Variants in RBM42 observed in about 807,000 individuals in gnomAD.
RBM42 encodes the protein RNA binding motif protein 42.
In RBM42, 21 loss-of-function variants were observed where a neutral mutation model predicts 41.4. The ratio of observed to expected loss-of-function variants is 0.51; its 90% CI spans 0.36 to 0.73. RBM42 has a LOEUF of 0.73. RBM42 is among the 30% of genes least tolerant of loss of function. RBM42 has a pLI of 0.00. For synonymous variants in RBM42, 272 were observed against 271.2 expected, an observed-to-expected ratio of 1.00 and a Z score of -0.03; for missense variants, 539 against 680.4, an observed-to-expected ratio of 0.79 and a Z score of 2.31.
rs1967459882 is a variant in RBM42, at chr19:35,634,332, G to A, written c.1094G>A (p.Gly365Glu). Residue 365 changes from glycine (G) to glutamate (E), a missense_variant, in exon 8 of 10, where the codon GGG (glycine) becomes GAG (glutamate). Gly to Glu is a moderately conservative substitution (Grantham distance 98, BLOSUM62 -2). This residue lies in a region of RBM42 where 110 missense variants were observed against 191.5 expected (regional missense o/e 0.57). Coordinates refer to ENST00000262633, the MANE Select transcript of RBM42 (RefSeq NM_024321.5). Reference sequence around the variant, plus strand: ...AAACGGTGCATTCGCACAGCGGCAGGGAGCAGCTGGGAGGACCCCAGCCTG... The same window carrying A: ...AAACGGTGCATTCGCACAGCGGCAGAGAGCAGCTGGGAGGACCCCAGCCTG... ...KLKRCIRTAA[G>E]SSWEDPSLLE... The A allele has an allele frequency of 6.2e-7, 1 of 1,614,044 alleles. No homozygotes were observed. Among genetic ancestry groups the A allele is most frequent in the African/African-American group, 1.3e-5 (1 of 74,952 alleles).
At position 35,633,218 on chromosome 19, in the gene RBM42, C is replaced by T. The variant is rs1165104672; in HGVS notation, c.650C>T (p.Pro217Leu). The change falls in exon 6 of 10, where the codon CCG (proline) becomes CTG (leucine). Residue 217 changes from proline to leucine, a missense_variant. Coordinates refer to ENST00000262633, the MANE Select transcript of RBM42 (RefSeq NM_024321.5). ...LPPMARAPGP[P>L]LGSMAALRPP... ...CCAATGGCTCGGGCTCCAGGGCCCC[C>T]GCTGGGCTCCATGGCTGCACTGAGG... The T allele has an allele frequency of 3.1e-6, 5 of 1,606,844 alleles. No individual in the cohort carries two copies. In the South Asian group the frequency reaches 5.5e-5, roughly 18 times the overall value.
intron 4 of RBM42, chr19:35,631,791 T>A: frequency 9.1e-6 from 2 of 219,234 alleles, no homozygotes; most frequent in South Asian, 1.3e-4. Context: ...ATGAACGGAC[T>A]GTTGAGACAA....
chr19:35,635,334 A>G (rs982845475), intron 8 of RBM42, among the ~76,000 whole-genome samples: 1 of 150,858 alleles, frequency 6.6e-6, no homozygotes, highest in Non-Finnish European at 1.5e-5. Flanking sequence ...AAAAAAAAGA[A>G]AAGAGATACT....
Position 35,629,563 on chromosome 19 carries a change from A to G in RBM42, c.172A>G (p.Thr58Ala). 8 of 1,614,206 alleles carry G rather than the reference A, an allele frequency of 5.0e-6. No individual in the cohort carries two copies. The South Asian group carries it at 5.5e-5, about 11-fold the overall frequency. The change falls in exon 2 of 10, where the codon ACT (threonine) becomes GCT (alanine). Residue 58 changes from threonine to alanine, a missense_variant. Transcript: ENST00000262633. ...GGGGGCTCCAGTACCTGGAATCCCAACTGCTGTGCCTGCGGTGCCCACTGT... is the reference window on the plus strand; with the variant it reads ...GGGGGCTCCAGTACCTGGAATCCCAGCTGCTGTGCCTGCGGTGCCCACTGT... ...VLGAPVPGIP[T>A]AVPAVPTVPT...
chr19:35,633,060 C>T lies in RBM42; in HGVS notation c.509-17C>T. 1.2e-6 allele frequency: 2 copies of T among 1,611,122 alleles called. No homozygotes were observed. Among genetic ancestry groups the T allele is most frequent in the Non-Finnish European group, 1.7e-6 (2 of 1,177,534 alleles). On this transcript the variant is annotated splice_polypyrimidine_tract_variant and intron_variant, in intron 5 of 9. Transcript: ENST00000262633. The stretch of plus-strand genomic sequence containing the variant: ...ACTCCCCCCAGGCCCTGGAACTCCC[C>T]ACTAACACCCTGACAGATTCCGCTC...
At position 35,631,101 on chromosome 19, in the gene RBM42, G is replaced by C; in HGVS notation, c.283-39G>C. 1.9e-6 allele frequency: 3 copies of C among 1,574,224 alleles called. No individual in the cohort carries two copies. The South Asian group carries it at 3.3e-5, about 17-fold the overall frequency. ...TGAGCTGGCCGCAGCAGATGGGAAT[G>C]CTGAGTCAGGCCCCTCACCCTGACC... is the stretch of plus-strand genomic sequence containing the variant. On this transcript the variant is annotated intron_variant, in intron 2 of 9. Coordinates refer to ENST00000262633, the MANE Select transcript of RBM42 (RefSeq NM_024321.5).
At chr19:35,636,440 G>A (rs995576002) in intron 8 of RBM42, among the ~76,000 whole-genome samples, 4 of 152,194 alleles carry the variant, frequency 2.6e-5, no homozygotes, top group Non-Finnish European at 2.9e-5. Flanking sequence ...GATCACAGGC[G>A]TGAGCCACTG....
chr19:35,636,984 A>G (rs1967508970), intron 8 of RBM42, among the ~76,000 whole-genome samples, 174 bp from the exon 9 acceptor site: 2 of 151,512 alleles, frequency 1.3e-5, no homozygotes, highest in Admixed American at 6.6e-5. Context: ...AAATGGAAAC[A>G]CCCCTCCAGG....
rs750153748 is a variant in RBM42 at position 35,633,219 on chromosome 19, G to A, written c.651G>A (p.Pro217=). 8.1e-6 allele frequency: 13 copies of A among 1,606,562 alleles called. No individual in the cohort carries two copies. The highest frequency in any genetic ancestry group is 3.4e-5 in the Admixed American group (2 of 59,148). The change falls in exon 6 of 10, where the codon CCG becomes CCA. Residue 217 remains proline (P), a synonymous_variant. Transcript: ENST00000262633. ...CAATGGCTCGGGCTCCAGGGCCCCC[G>A]CTGGGCTCCATGGCTGCACTGAGGC... The part of the protein sequence containing the change: ...LPPMARAPGP[P]LGSMAALRPP...
At chr19:35,632,208 T>C (rs1967419357) in intron 4 of RBM42, among the ~76,000 whole-genome samples, 1 of 152,164 alleles carries the variant, frequency 6.6e-6, no homozygotes, top group Non-Finnish European at 1.5e-5. Context: ...TTTAGTATGG[T>C]TTTGATCAAA....
chr19:35,632,792 C>G (rs1967427564), intron 4 of RBM42, 144 bp from the exon 5 acceptor site: 2 of 618,108 alleles, frequency 3.2e-6, no homozygotes, highest in East Asian at 2.9e-5. Context: ...GGAGAGGCCC[C>G]CACATCTCCA....
At chr19:35,635,736 G>A (rs187744273) in intron 8 of RBM42, among the ~76,000 whole-genome samples, 1 of 152,044 alleles carries the variant, frequency 6.6e-6, no homozygotes, top group Non-Finnish European at 1.5e-5. Flanking sequence ...TGGCCAGGCT[G>A]GTCTCGAACT....
At chr19:35,630,133 G>A (rs1967380533) in intron 2 of RBM42, among the ~76,000 whole-genome samples, 1 of 152,018 alleles carries the variant, frequency 6.6e-6, no homozygotes, top group Admixed American at 6.6e-5. Context: ...GGCCAACATG[G>A]TGAAACCCCA....
In RBM42 at chr19:35,633,810, G is replaced by A. The variant is rs566993671; in HGVS notation, c.808G>A (p.Ala270Thr). The change falls in exon 7 of 10, where the codon GCA becomes ACA. Residue 270 changes from alanine to threonine, a missense_variant. Ala to Thr is a moderately conservative substitution (Grantham distance 58, BLOSUM62 0). This residue lies in a region of RBM42 where 429 missense variants were observed against 488.9 expected (regional missense o/e 0.88). Coordinates refer to ENST00000262633, the MANE Select transcript of RBM42 (RefSeq NM_024321.5). ...EEASAAVAVG[A>T]GGAPAGPAVI... Reference sequence around the variant, plus strand: ...GGCTAGCGCGGCTGTGGCCGTGGGGGCAGGAGGTGCCCCAGCTGGCCCTGC... The same window carrying A: ...GGCTAGCGCGGCTGTGGCCGTGGGGACAGGAGGTGCCCCAGCTGGCCCTGC... 3.4e-5 allele frequency: 51 copies of A among 1,509,852 alleles called. No homozygotes were observed. The highest frequency in any genetic ancestry group is 2.9e-4 in the East Asian group (12 of 40,724). The allele number at this position is 1,509,852 out of a possible 1,614,324, so 93.5% of individuals were successfully genotyped here. A position where few individuals can be genotyped will look rare whatever the true frequency, so the allele number is the denominator to read the frequency against.
At chr19:35,634,776 A>T (rs1967468177) in intron 8 of RBM42, among the ~76,000 whole-genome samples, 1 of 150,598 alleles carries the variant, frequency 6.6e-6, no homozygotes, top group South Asian at 2.1e-4. Flanking sequence ...CTCCTGCCTC[A>T]GCCTCCCAAA....
At position 35,631,155 on chromosome 19, in the gene RBM42, G is replaced by C. The variant is rs1967397878; in HGVS notation, c.298G>C (p.Glu100Gln). The change falls in exon 3 of 10, where the codon GAG (glutamate) becomes CAG (glutamine). Residue 100 changes from glutamate to glutamine, a missense_variant. By Grantham distance (29) the Glu-to-Gln change is conservative. This residue lies in a region of RBM42 where 429 missense variants were observed against 488.9 expected (regional missense o/e 0.88). Coordinates refer to ENST00000262633, the MANE Select transcript of RBM42 (RefSeq NM_024321.5). Reference protein sequence around the residue: ...NTYQQVQQTLEARAAAAATVV... With the variant: ...NTYQQVQQTLQARAAAAATVV... ...TCCTCGACAGGTCCAGCAGACTCTG[G>C]AGGCCCGAGCAGCTGCTGCAGCCAC... The C allele has an allele frequency of 1.9e-6, 3 of 1,614,126 alleles. No homozygotes were observed. The highest frequency in any genetic ancestry group is 2.5e-6 in the Non-Finnish European group (3 of 1,180,042).
At chr19:35,636,543 G>A (rs1324822995) in intron 8 of RBM42, among the ~76,000 whole-genome samples, 1 of 152,242 alleles carries the variant, frequency 6.6e-6, no homozygotes, top group African/African-American at 2.4e-5. Context: ...TTCAGTGGAA[G>A]CACAGGCCCA....
rs73931236 is a variant in RBM42 at position 35,629,120 on chromosome 19, G to A, written c.-34G>A. 8,069 of 1,503,692 alleles carry A rather than the reference G, an allele frequency of 5.4e-3. 368 individuals are homozygous for A. The African/African-American group carries it at 0.097, about 18-fold the overall frequency. The allele number at this position is 1,503,692 out of a possible 1,614,324, so 93.1% of individuals were successfully genotyped here. ...GAACCAGCGGCGGCGGCTAAGCAGA[G>A]ACTGTAGTAGCGGCGACAGCGACGA... On this transcript the variant is annotated 5_prime_UTR_variant, in exon 1 of 10. Coordinates refer to ENST00000262633, the MANE Select transcript of RBM42 (RefSeq NM_024321.5).
chr19:35,632,376 AC>A (rs1391009127), intron 4 of RBM42, among the ~76,000 whole-genome samples: 1 of 151,914 alleles, frequency 6.6e-6, no homozygotes, highest in African/African-American at 2.4e-5. Flanking sequence ...TTCTCATGAC[AC>A]TCTCTAAGCC....
Sources: gnomAD v4.1 joint callset for allele counts (sites outside exome capture counted in the v4.1 genomes callset) on GRCh38, gnomAD v4.1.1 for gene constraint, gnomAD v4.1.1 regional missense constraint, MANE v1.5 for transcripts, NCBI Gene and HGNC (gene_info 2026-07-23, HGNC 2026-07-21) for gene names.